SLC4A1AP: variants seen among roughly 807,000 people sequenced by gnomAD.
The protein encoded by SLC4A1AP is solute carrier family 4 member 1 adaptor protein.
Under a neutral mutation model 89.7 loss-of-function variants are expected in SLC4A1AP, and 64 were observed. The observed-to-expected ratio is 0.71, with a 90% CI of 0.58 to 0.88. The LOEUF is 0.88. Ranked by LOEUF, SLC4A1AP falls within the 40% of genes least tolerant of loss-of-function variation. The probability of loss-of-function intolerance (pLI) is 0.00; values close to 1 mark genes in which losing one functional copy is unlikely to be tolerated. For synonymous variants in SLC4A1AP, 366 were observed against 353.3 expected, an observed-to-expected ratio of 1.04 and a Z score of -0.40; for missense variants, 931 against 965.0, an observed-to-expected ratio of 0.96 and a Z score of 0.47.
intron 3 of SLC4A1AP, 95 bp from the exon 4 acceptor site, chr2:27,668,748 C>G (rs1675374957): frequency 1.7e-6 from 2 of 1,181,258 alleles, no homozygotes; most frequent in Non-Finnish European, 2.5e-6. Context: ...CTGCTAGGAA[C>G]TTGTTCGTAT....
intron 5 of SLC4A1AP, among the ~76,000 whole-genome samples, chr2:27,673,066 A>G (rs1675451102): frequency 6.6e-6 from 1 of 152,184 alleles, no homozygotes; most frequent in Non-Finnish European, 1.5e-5. Context: ...CTGCAGATGG[A>G]AAGGAGATGA....
At position 27,689,192 on chromosome 2, in the gene SLC4A1AP, G is replaced by A. The variant is rs545806975; in HGVS notation, c.2271+425G>A. Among the ~76,000 whole-genome samples, 231 of 152,140 alleles carry A rather than the reference G, an allele frequency of 1.5e-3. 9 individuals are homozygous for A. The South Asian group carries it at 0.032, about 21-fold the overall frequency. ...TATTGAGAGTTTCTCACCATATGGA[G>A]GACGTTATCTAACAGTTCCTTACAG... On this transcript the variant is annotated intron_variant, in intron 12 of 13. Coordinates refer to ENST00000613058, the Ensembl canonical transcript of SLC4A1AP.
chr2:27,668,731 T>C, intron 3 of SLC4A1AP, 112 bp from the exon 4 acceptor site: 1 of 990,454 alleles, frequency 1.0e-6, no homozygotes, highest in Non-Finnish European at 1.6e-6. Context: ...ATTACAGGCG[T>C]GAGCCACTGC....
intron 12 of SLC4A1AP, among the ~76,000 whole-genome samples, chr2:27,690,428 A>G (rs1426573400): frequency 1.3e-5 from 2 of 152,142 alleles, no homozygotes; most frequent in East Asian, 1.9e-4. Flanking sequence ...CTCCTAAGTT[A>G]CTTTGCTTAA....
At chr2:27,674,788 T>C (rs1269772676) in intron 5 of SLC4A1AP, among the ~76,000 whole-genome samples, 1 of 151,348 alleles carries the variant, frequency 6.6e-6, no homozygotes, top group Non-Finnish European at 1.5e-5. Flanking sequence ...CTCGGCTCAC[T>C]GCAACCTCTA....
chr2:27,688,196 C>T (rs981877425), intron 11 of SLC4A1AP, among the ~76,000 whole-genome samples, 176 bp downstream of exon 11: 1 of 152,144 alleles, frequency 6.6e-6, no homozygotes, highest in Non-Finnish European at 1.5e-5. Flanking sequence ...GGTGCCATCC[C>T]ATTTGCCTTT....
rs761327649 is a variant in SLC4A1AP at position 27,677,700 on chromosome 2, T to A, written c.1577-38T>A. ...TGGCTGAATTTTAAAATATTCAGGA[T>A]CATCTTTCTAAACATGTGTTATTCT... On this transcript the variant is annotated intron_variant, in intron 7 of 13. Transcript: ENST00000613058. The A allele has an allele frequency of 4.7e-6, 7 of 1,502,106 alleles. No homozygotes were observed. In the South Asian group the frequency reaches 7.6e-5, roughly 16 times the overall value. 93.0% of individuals were successfully genotyped at this position (1,502,106 alleles called of 1,614,324 possible). A position where few individuals can be genotyped will look rare whatever the true frequency, so the allele number is the denominator to read the frequency against.
chr2:27,679,685 A>G (rs1362307663), intron 8 of SLC4A1AP, among the ~76,000 whole-genome samples: 2 of 152,200 alleles, frequency 1.3e-5, no homozygotes, highest in African/African-American at 2.4e-5. Context: ...TATAAGATAC[A>G]GAAACACTAT....
At chr2:27,684,453 C>G (rs1301352778) in intron 9 of SLC4A1AP, among the ~76,000 whole-genome samples, 1 of 151,758 alleles carries the variant, frequency 6.6e-6, no homozygotes, top group African/African-American at 2.4e-5. Flanking sequence ...AAGATATAAC[C>G]AAGATATGCT....
intron 12 of SLC4A1AP, chr2:27,691,816 C>G (rs1403339372): frequency 1.3e-5 from 2 of 152,128 alleles, no homozygotes; most frequent in Non-Finnish European, 2.9e-5. Context: ...TCTTGAACTC[C>G]TGGACTCAAG....
At chr2:27,677,865 A>G (rs1228943543) in exon 8 of SLC4A1AP, 1 of 1,613,750 alleles carries the variant, frequency 6.2e-7, no homozygotes, top group Admixed American at 1.7e-5. Flanking sequence ...GGAAAGAACA[A>G]CAGAGACTTA....
chr2:27,688,098 G>T, intron 11 of SLC4A1AP, 78 bp downstream of exon 11: 1 of 1,170,276 alleles, frequency 8.5e-7, no homozygotes, highest in South Asian at 1.3e-5. Flanking sequence ...GCTGGCAGCT[G>T]ACCTGAAGGC....
At chr2:27,664,473 G>A in exon 1 of SLC4A1AP, 12 of 1,614,216 alleles carry the variant, frequency 7.4e-6, no homozygotes, top group Non-Finnish European at 1.0e-5. Flanking sequence ...AAGCACCCAT[G>A]GCACTTTTCT....
At chr2:27,681,605 A>G (rs1252541167) in intron 8 of SLC4A1AP, among the ~76,000 whole-genome samples, 1 of 151,938 alleles carries the variant, frequency 6.6e-6, no homozygotes, top group Non-Finnish European at 1.5e-5. Flanking sequence ...CTGAATTGCT[A>G]TCCCTTTTGT....
chr2:27,664,137 A>G, exon 1 of SLC4A1AP: 2 of 1,614,154 alleles, frequency 1.2e-6, no homozygotes, highest in South Asian at 1.1e-5. Flanking sequence ...CGGTGATTTT[A>G]GGAGTCTACA....
exon 1 of SLC4A1AP, chr2:27,664,155 C>G: frequency 1.2e-6 from 2 of 1,614,178 alleles, no homozygotes; most frequent in Non-Finnish European, 8.5e-7. Flanking sequence ...ACAGGAGGAG[C>G]AGTCGCGCCC....
At chr2:27,664,368 G>A (rs770113505) in exon 1 of SLC4A1AP, 1 of 1,614,210 alleles carries the variant, frequency 6.2e-7, no homozygotes, top group South Asian at 1.1e-5. Context: ...GCACCCTTCG[G>A]TGTCTCGGTA....
At chr2:27,689,021 A>G (rs1463983262) in intron 12 of SLC4A1AP, among the ~76,000 whole-genome samples, 1 of 152,214 alleles carries the variant, frequency 6.6e-6, no homozygotes, top group African/African-American at 2.4e-5. Flanking sequence ...TTTGCCATAT[A>G]AAGACATTTG....
At chr2:27,676,627 A>C (rs1558507470) in intron 6 of SLC4A1AP, among the ~76,000 whole-genome samples, 1 of 151,354 alleles carries the variant, frequency 6.6e-6, no homozygotes, top group Admixed American at 6.6e-5. Context: ...TTCGAGACCC[A>C]CCTGACCAAT....
Sources: gnomAD v4.1 joint callset for allele counts (sites outside exome capture counted in the v4.1 genomes callset) on GRCh38, gnomAD v4.1.1 for gene constraint, MANE v1.5 for transcripts, NCBI Gene and HGNC (gene_info 2026-07-23, HGNC 2026-07-21) for gene names.